The following PCDH11X variants were observed in gnomAD, a reference collection of about 807,000 sequenced individuals.
PCDH11X encodes the protein protocadherin-11 X-linked.
PCDH11X carries 18 observed loss-of-function variants against 53.3 expected under a neutral mutation model. The ratio of observed to expected loss-of-function variants is 0.34; its 90% confidence interval spans 0.23 to 0.50. PCDH11X has a LOEUF of 0.50. PCDH11X is among the 20% of genes least tolerant of loss of function. PCDH11X has a pLI of 0.98. For synonymous variants in PCDH11X, 279 were observed against 393.3 expected, an observed-to-expected ratio of 0.71 and a Z score of 3.44; for missense variants, 570 against 1,032.4, an observed-to-expected ratio of 0.55 and a Z score of 6.14.
rs187070138 is a variant in PCDH11X at position 91,941,434 on chromosome X, T to C, written c.3033+62161T>C. ...GGCTATTTAATATCAGAAAAATAGA[T>C]TTCAGAGTAAATAATACTAATAGAG... is the stretch of plus-strand genomic sequence containing the variant. On this transcript the variant is annotated intron_variant, in intron 6 of 10. Coordinates refer to ENST00000682573, the MANE Select transcript of PCDH11X (RefSeq NM_032968.5). Among the ~76,000 whole-genome samples the C allele has an allele frequency of 6.4e-3, 704 of 110,193 alleles. 5 individuals are homozygous for C. The highest frequency in any genetic ancestry group is 0.022 in the African/African-American group (679 of 30,431).
At chrX:92,210,230 CTTTTTTTT>C (rs146233770) in intron 7 of PCDH11X, among the ~76,000 whole-genome samples, 3 of 41,079 alleles carry the variant, frequency 7.3e-5, no homozygotes, top group Admixed American at 8.8e-4. Context: ...AGAAAATGGG[CTTTTTTTT>C]TTTTTTTTTT....
intron 7 of PCDH11X, among the ~76,000 whole-genome samples, chrX:92,251,811 G>A (rs1202167321): frequency 9.0e-6 from 1 of 110,654 alleles, no homozygotes; most frequent in Non-Finnish European, 1.9e-5. Context: ...CGTGGATTTA[G>A]TGCCTCCTAA....
chrX:92,370,421 T>C (rs1469779039), intron 8 of PCDH11X, among the ~76,000 whole-genome samples: 3 of 107,354 alleles, frequency 2.8e-5, no homozygotes, highest in African/African-American at 1.0e-4. Context: ...TAGATCCAAT[T>C]GGTCTATAGT....
At chrX:92,502,916 A>G (rs930769425) in intron 10 of PCDH11X, among the ~76,000 whole-genome samples, 5 of 110,297 alleles carry the variant, frequency 4.5e-5, no homozygotes, top group Non-Finnish European at 7.6e-5. Context: ...CAAACAAACA[A>G]AAACTATCAT....
At chrX:92,436,564 G>A (rs1340715891) in intron 9 of PCDH11X, among the ~76,000 whole-genome samples, 1 of 111,374 alleles carries the variant, frequency 9.0e-6, no homozygotes, top group Non-Finnish European at 1.9e-5. Flanking sequence ...GTAAAGACAT[G>A]GAATCAAGCT....
At chrX:91,921,258 G>T (rs1471261749) in intron 6 of PCDH11X, among the ~76,000 whole-genome samples, 6 of 109,754 alleles carry the variant, frequency 5.5e-5, no homozygotes, top group Non-Finnish European at 1.1e-4. Flanking sequence ...CTCCCCCATT[G>T]TCAATATCCC....
rs755412563 is a variant in PCDH11X, at chrX:92,151,341, C to T, written c.3034-50034C>T. ...CCGAGTAGCTGGGACTACAGGGGCCCGCCACCGTGCCTGGCTAATTTTTTG... is the reference window on the plus strand; with the variant it reads ...CCGAGTAGCTGGGACTACAGGGGCCTGCCACCGTGCCTGGCTAATTTTTTG... On this transcript the variant is annotated intron_variant, in intron 6 of 10. Transcript: ENST00000682573. 2.7e-5 allele frequency among the ~76,000 whole-genome samples: 3 copies of T among 109,349 alleles called. No homozygotes were observed. In the South Asian group the frequency reaches 1.2e-3, roughly 44 times the overall value. 95.0% of individuals were successfully genotyped at this position (109,349 alleles called of 115,157 possible). A position where few individuals can be genotyped will look rare whatever the true frequency, so the allele number is the denominator to read the frequency against.
At chrX:91,970,714 C>G (rs1016391484) in intron 6 of PCDH11X, among the ~76,000 whole-genome samples, 7 of 111,703 alleles carry the variant, frequency 6.3e-5, no homozygotes, top group Non-Finnish European at 1.3e-4. Context: ...AAAGTTAGTT[C>G]TGATGATTAT....
intron 6 of PCDH11X, among the ~76,000 whole-genome samples, chrX:92,199,754 A>T (rs1389306374): frequency 5.4e-5 from 6 of 111,163 alleles, no homozygotes; most frequent in East Asian, 2.8e-4. Flanking sequence ...AAACAAAATA[A>T]TTTTTTCTAA....
At chrX:91,796,101 A>C (rs1422347068) in intron 1 of PCDH11X, among the ~76,000 whole-genome samples, 1 of 111,942 alleles carries the variant, frequency 8.9e-6, no homozygotes, top group Non-Finnish European at 1.9e-5. Context: ...AAGTTTGGTT[A>C]AGTGCAAGGA....
chrX:92,115,054 C>T (rs1172211520), intron 6 of PCDH11X, among the ~76,000 whole-genome samples: 4 of 109,908 alleles, frequency 3.6e-5, no homozygotes, highest in Non-Finnish European at 7.6e-5. Context: ...GGTGATCCGC[C>T]CTCCTCAGCC....
At chrX:92,286,379 C>G (rs1290728642) in intron 8 of PCDH11X, among the ~76,000 whole-genome samples, 3 of 108,115 alleles carry the variant, frequency 2.8e-5, no homozygotes, top group Non-Finnish European at 1.9e-5. Context: ...AACAGAAAGT[C>G]CAGCTGACAT....
At chrX:92,504,445 A>G (rs1361644689) in intron 10 of PCDH11X, among the ~76,000 whole-genome samples, 2 of 111,270 alleles carry the variant, frequency 1.8e-5, no homozygotes, top group African/African-American at 3.3e-5. Context: ...TCACAATCTC[A>G]CTTGTTGTTA....
intron 6 of PCDH11X, among the ~76,000 whole-genome samples, chrX:91,880,528 G>A (rs1026496710): frequency 5.4e-5 from 6 of 111,291 alleles, no homozygotes; most frequent in African/African-American, 1.3e-4. Context: ...AAGCATAAGC[G>A]CAGTTATATA....
chrX:92,242,467 T>A (rs2067278351), intron 7 of PCDH11X, among the ~76,000 whole-genome samples: 1 of 111,747 alleles, frequency 8.9e-6, no homozygotes, highest in Admixed American at 9.6e-5. Context: ...CATTCCTTTT[T>A]ATTACTGGGT....
At chrX:92,321,528 C>T (rs185832455) in intron 8 of PCDH11X, among the ~76,000 whole-genome samples, 4 of 111,351 alleles carry the variant, frequency 3.6e-5, no homozygotes, top group African/African-American at 1.3e-4. Flanking sequence ...TATCTCATGG[C>T]CAGTGCTTGT....
At chrX:92,476,265 T>C (rs947461589) in intron 10 of PCDH11X, among the ~76,000 whole-genome samples, 2 of 111,971 alleles carry the variant, frequency 1.8e-5, no homozygotes, top group Non-Finnish European at 3.8e-5. Context: ...AAACTTCTGT[T>C]ACCTTGTAAG....
chrX:92,039,630 C>T (rs1308250422), intron 6 of PCDH11X, among the ~76,000 whole-genome samples: 1 of 111,624 alleles, frequency 9.0e-6, no homozygotes, highest in African/African-American at 3.3e-5. Context: ...CCCTCTGGCC[C>T]AGGGCAGGTT....
intron 8 of PCDH11X, among the ~76,000 whole-genome samples, chrX:92,337,225 C>T (rs1265168315): frequency 9.2e-6 from 1 of 108,213 alleles, no homozygotes; most frequent in Non-Finnish European, 1.9e-5. Flanking sequence ...TTGGCAAGCT[C>T]CCACCATGAT....
Sources: allele counts gnomAD v4.1 joint callset (sites outside exome capture counted in the v4.1 genomes callset), GRCh38; gene constraint gnomAD v4.1.1; transcripts MANE v1.5; gene names NCBI Gene and HGNC (gene_info 2026-07-23, HGNC 2026-07-21).